Variants in MGAT4C observed in about 807,000 individuals in gnomAD.
MGAT4C encodes the protein alpha-1,3-mannosyl-glycoprotein 4-beta-N-acetylglucosaminyltransferase C.
Under a neutral mutation model 40.1 loss-of-function variants are expected in MGAT4C, and 19 were observed. The observed-to-expected ratio is 0.47, with a 90% confidence interval of 0.33 to 0.70. The LOEUF (loss-of-function observed/expected upper bound fraction) is 0.70, where lower values mean the gene tolerates loss of function less well. Among genes scored for constraint, MGAT4C ranks in the 30% least tolerant of loss-of-function variants. The probability of loss-of-function intolerance (pLI) is 0.02; values close to 1 mark genes in which losing one functional copy is unlikely to be tolerated. For synonymous variants in MGAT4C, 181 were observed against 187.1 expected (o/e 0.97, Z 0.27); for missense variants, 491 against 563.2 (o/e 0.87, Z 1.30).
chr12:86,773,942 C>CTTTTTTTTTTTTTTTTTTTTTTT lies in MGAT4C; in HGVS notation c.-261-46702_-261-46701insAAAAAAAAAAAAAAAAAAAAAAA, dbSNP rs1565980916. Reference sequence around the variant, plus strand: ...ACAGGTTCACATTTTTTTAAAGTAACTTCTTTTTTTTTTTTTTTTTTTTTT... The same window carrying CTTTTTTTTTTTTTTTTTTTTTTT: ...ACAGGTTCACATTTTTTTAAAGTAACTTTTTTTTTTTTTTTTTTTTTTTTTCTTTTTTTTTTTTTTTTTTTTTT... On this transcript the variant is annotated intron_variant, in intron 1 of 7. Coordinates refer to the MGAT4C transcript ENST00000548651. Among the ~76,000 whole-genome samples, 3 of 106,520 alleles carry CTTTTTTTTTTTTTTTTTTTTTTT rather than the reference C, an allele frequency of 2.8e-5. 1 individual carries two copies. The highest frequency in any genetic ancestry group is 6.1e-4 in the South Asian group (2 of 3,288). The allele number at this position is 106,520 out of a possible 152,430, so 69.9% of individuals were successfully genotyped here.
intron 2 of MGAT4C, among the ~76,000 whole-genome samples, chr12:86,490,162 G>A (rs1276225098): frequency 1.3e-5 from 2 of 152,098 alleles, no homozygotes; most frequent in Non-Finnish European, 2.9e-5. Context: ...AATGTTAAGG[G>A]CAGCCAGAGA....
chr12:86,162,343 G>A (rs1335546222), intron 1 of MGAT4C, among the ~76,000 whole-genome samples: 1 of 152,140 alleles, frequency 6.6e-6, no homozygotes, highest in Non-Finnish European at 1.5e-5. Flanking sequence ...TGTCTTTGCA[G>A]CATCATGGAT....
At chr12:86,750,334 G>A (rs150823695) in intron 1 of MGAT4C, among the ~76,000 whole-genome samples, 77 of 151,964 alleles carry the variant, frequency 5.1e-4, no homozygotes, top group South Asian at 1.5e-3. Context: ...GTTCTTGTTT[G>A]TACTGTATGG....
At chr12:86,304,059 T>G (rs919142651) in intron 4 of MGAT4C, among the ~76,000 whole-genome samples, 1 of 150,722 alleles carries the variant, frequency 6.6e-6, no homozygotes, top group Non-Finnish European at 1.5e-5. Flanking sequence ...TATTTCCTCA[T>G]AGAATTTCAG....
rs140231177 is a variant in MGAT4C at position 86,120,662 on chromosome 12, A to C, written c.-56-70939T>G. On this transcript the variant is annotated intron_variant, in intron 1 of 4. Coordinates refer to ENST00000611864, the MANE Select transcript of MGAT4C (RefSeq NM_001351288.2). ...GTGGACCTCCAGCAAACTCCAACAG[A>C]CTTGCAGCTGAGGATCCTGACTGTT... 5.2e-3 allele frequency among the ~76,000 whole-genome samples: 792 copies of C among 152,300 alleles called. 9 individuals carry two copies. The highest frequency in any genetic ancestry group is 0.018 in the African/African-American group (755 of 41,568).
At chr12:86,169,353 C>T (rs1473145594) in intron 1 of MGAT4C, among the ~76,000 whole-genome samples, 2 of 152,058 alleles carry the variant, frequency 1.3e-5, no homozygotes, top group African/African-American at 4.8e-5. Context: ...TATATCTGTC[C>T]TAAGTCACTT....
chr12:86,452,763 T>A (rs1371242961), intron 2 of MGAT4C, among the ~76,000 whole-genome samples: 2 of 152,132 alleles, frequency 1.3e-5, no homozygotes, highest in African/African-American at 4.8e-5. Flanking sequence ...AGGTACTGCT[T>A]AGTAACTTTG....
At chr12:86,674,088 A>T (rs1030453633) in intron 2 of MGAT4C, among the ~76,000 whole-genome samples, 2 of 152,100 alleles carry the variant, frequency 1.3e-5, no homozygotes. Flanking sequence ...TTTTGAGACA[A>T]TTAAACAACC....
chr12:86,122,787 C>CAT (rs74276062), intron 1 of MGAT4C, among the ~76,000 whole-genome samples: 40,148 of 151,764 alleles, frequency 0.26, 5,858 homozygotes, highest in African/African-American at 0.38. Context: ...TGTATATGTT[C>CAT]GTGTGTGTGT....
intron 2 of MGAT4C, among the ~76,000 whole-genome samples, chr12:86,653,498 T>C (rs1018909471): frequency 6.6e-6 from 1 of 152,044 alleles, no homozygotes; most frequent in Middle Eastern, 3.4e-3. Flanking sequence ...ATCCGAATGC[T>C]CATACCTAGC....
chr12:86,678,184 C>G (rs80343170), intron 2 of MGAT4C, among the ~76,000 whole-genome samples: 4,742 of 152,096 alleles, frequency 0.031, 120 homozygotes, highest in African/African-American at 0.074. Flanking sequence ...AAGTGGGGAG[C>G]AAAGCAAAAC....
chr12:86,833,980 C>T (rs1448933742), intron 1 of MGAT4C, among the ~76,000 whole-genome samples: 1 of 151,748 alleles, frequency 6.6e-6, no homozygotes, highest in Non-Finnish European at 1.5e-5. Context: ...TCCAGGTTCA[C>T]CCATATTGTC....
At chr12:86,470,460 C>T (rs77528478) in intron 2 of MGAT4C, among the ~76,000 whole-genome samples, 1,564 of 152,122 alleles carry the variant, frequency 0.01, 19 homozygotes, top group East Asian at 0.046. Flanking sequence ...CCACTCCCTT[C>T]CCCCAACACC....
At chr12:86,557,782 A>G (rs1959682912) in intron 2 of MGAT4C, among the ~76,000 whole-genome samples, 3 of 152,334 alleles carry the variant, frequency 2.0e-5, no homozygotes, top group South Asian at 4.1e-4. Context: ...CTATTTCACC[A>G]TTGGTATCAA....
chr12:86,128,928 G>T (rs1415996749), intron 1 of MGAT4C, among the ~76,000 whole-genome samples: 2 of 152,080 alleles, frequency 1.3e-5, no homozygotes, highest in African/African-American at 4.8e-5. Flanking sequence ...TGAAAAGGGT[G>T]TCCTTTCCCC....
chr12:86,389,249 T>C (rs1450571340), intron 3 of MGAT4C, among the ~76,000 whole-genome samples: 1 of 152,074 alleles, frequency 6.6e-6, no homozygotes, highest in Non-Finnish European at 1.5e-5. Flanking sequence ...TACGTGTCCA[T>C]GTGTTGTCAT....
At chr12:86,464,840 GACAA>G (rs201604804) in intron 2 of MGAT4C, among the ~76,000 whole-genome samples, 4,504 of 151,792 alleles carry the variant, frequency 0.03, 98 homozygotes, top group Middle Eastern at 0.072. Context: ...ACTTATTTTT[GACAA>G]ACAAGCGTAT....
At chr12:86,752,023 T>C (rs899009996) in intron 1 of MGAT4C, among the ~76,000 whole-genome samples, 1 of 151,944 alleles carries the variant, frequency 6.6e-6, no homozygotes, top group Non-Finnish European at 1.5e-5. Context: ...TGGAGCACAA[T>C]GAGACACAGA....
At chr12:86,568,016 T>C (rs190385070) in intron 2 of MGAT4C, among the ~76,000 whole-genome samples, 1 of 152,296 alleles carries the variant, frequency 6.6e-6, no homozygotes, top group East Asian at 1.9e-4. Context: ...TATTTGAAGA[T>C]TATGCTTGAT....
Sources: gnomAD v4.1 joint callset for allele counts (sites outside exome capture counted in the v4.1 genomes callset) on GRCh38, gnomAD v4.1.1 for gene constraint, MANE v1.5 for transcripts, NCBI Gene and HGNC (gene_info 2026-07-23, HGNC 2026-07-21) for gene names.